The following STXBP5 variants were observed in gnomAD, a reference collection of about 807,000 sequenced individuals.
STXBP5 encodes syntaxin-binding protein 5.
STXBP5 carries 50 observed loss-of-function variants against 152.4 expected under a neutral mutation model. The ratio of observed to expected loss-of-function variants is 0.33; its 90% CI spans 0.26 to 0.42. The LOEUF is 0.42. Among genes scored for constraint, STXBP5 ranks in the 10% least tolerant of loss-of-function variants. The pLI, the probability that STXBP5 is intolerant of heterozygous loss-of-function variation, is 1.00. For missense variants in STXBP5, 1,167 were observed against 1,388.6 expected (o/e 0.84, Z 2.54); for synonymous variants, 492 against 494.7 (o/e 0.99, Z 0.07).
At chr6:147,343,670 AT>A (rs1784190853) in intron 21 of STXBP5, among the ~76,000 whole-genome samples, 1 of 152,148 alleles carries the variant, frequency 6.6e-6, no homozygotes, top group Admixed American at 6.5e-5. Flanking sequence ...TGTCTTCTCA[AT>A]TCTTTTGTAT....
rs574213568 is a variant in STXBP5 at position 147,330,489 on chromosome 6, AT to A, written c.2080+3216del. Among the ~76,000 whole-genome samples the A allele has an allele frequency of 7.5e-3, 1,142 of 152,266 alleles. 16 individuals carry two copies. The highest frequency in any genetic ancestry group is 0.025 in the African/African-American group (1,048 of 41,560). On this transcript the variant is annotated intron_variant, in intron 18 of 27. Transcript: ENST00000321680. ...AAAAGAATATCAAGATAATTGGTGA[AT>A]TTAAAAGGGATCCCCAGTTGGTGAA...
chr6:147,282,652 G>A (rs1333545738), intron 8 of STXBP5, among the ~76,000 whole-genome samples: 1 of 152,036 alleles, frequency 6.6e-6, no homozygotes, highest in Non-Finnish European at 1.5e-5. Flanking sequence ...CTTTTGGCTT[G>A]TTTCTCTCCC....
Position 147,363,479 on chromosome 6 carries a change from G to A in STXBP5, c.2690G>A (p.Arg897Gln), listed in dbSNP as rs772482367. Residue 897 changes from arginine (R) to glutamine (Q), a missense_variant, in exon 24 of 28, where the codon CGG becomes CAG. Physicochemically the swap from Arg to Gln is conservative, Grantham distance 43. This residue lies in a region of STXBP5 where 833 missense variants were observed against 986.3 expected (regional missense o/e 0.84). Coordinates refer to ENST00000321680, the MANE Select transcript of STXBP5 (RefSeq NM_001127715.4). ...GAAAAGGAGAAATTGAAAAAACGGC[G>A]GCCTGTCTCAGTATCCCCCTCCTCT... The part of the protein sequence containing the change: ...KDEKEKLKKR[R>Q]PVSVSPSSSQ... The A allele has an allele frequency of 5.0e-6, 8 of 1,613,866 alleles. No individual in the cohort carries two copies. Among genetic ancestry groups the A allele is most frequent in the East Asian group, 2.2e-5 (1 of 44,852 alleles).
chr6:147,300,051 A>C (rs1052582775), intron 9 of STXBP5, among the ~76,000 whole-genome samples: 5 of 152,098 alleles, frequency 3.3e-5, no homozygotes, highest in African/African-American at 1.2e-4. Context: ...CAAGAAGACA[A>C]TCTCATTTAC....
chr6:147,380,774 A>T (rs1786048494), intron 26 of STXBP5, among the ~76,000 whole-genome samples: 1 of 152,166 alleles, frequency 6.6e-6, no homozygotes, highest in Non-Finnish European at 1.5e-5. Context: ...CTGATATCAG[A>T]TTACGTCTAG....
chr6:147,327,360 A>G, intron 18 of STXBP5, 84 bp downstream of exon 18: 1 of 1,457,022 alleles, frequency 6.9e-7, no homozygotes, highest in Non-Finnish European at 9.1e-7. Context: ...TATTATAGTT[A>G]GGTAAATAGC....
chr6:147,331,399 A>G (rs1041669935), intron 18 of STXBP5, among the ~76,000 whole-genome samples: 3 of 152,238 alleles, frequency 2.0e-5, no homozygotes, highest in Admixed American at 6.5e-5. Flanking sequence ...ACAGTGAAAC[A>G]TAATTGGAGA....
At position 147,315,506 on chromosome 6, in the gene STXBP5, T is replaced by C; in HGVS notation, c.1403-9T>C. 6.4e-7 allele frequency: 1 copy of C among 1,565,486 alleles called. No individual in the cohort carries two copies. Among genetic ancestry groups the C allele is most frequent in the Non-Finnish European group, 8.8e-7 (1 of 1,141,282 alleles). On this transcript the variant is annotated splice_polypyrimidine_tract_variant and intron_variant, in intron 14 of 27. Coordinates refer to ENST00000321680, the MANE Select transcript of STXBP5 (RefSeq NM_001127715.4). Reference sequence around the variant, plus strand: ...TTAAAGTATCTGACATATATTATCTTTTTTCCAGTAACTCTACAAGTATTA... The same window carrying C: ...TTAAAGTATCTGACATATATTATCTCTTTTCCAGTAACTCTACAAGTATTA...
In STXBP5 at chr6:147,325,008, G is replaced by A; in HGVS notation, c.1852G>A (p.Val618Ile). ...KQSPGYQTEL[V>I]IQLVWVGGEP... is the part of the protein sequence containing the mutation. ...GTCTCCAGGTTATCAAACAGAACTA[G>A]TTATTCAGTTGGTTTGGGTGGGTGG... is the stretch of plus-strand genomic sequence containing the variant. Residue 618 changes from valine to isoleucine, a missense_variant, in exon 17 of 28, where the codon GTT becomes ATT. Val to Ile is a conservative substitution (Grantham distance 29, BLOSUM62 3). Around this residue, in one of 3 missense-constraint regions of STXBP5, gnomAD observed 833 missense variants for 986.3 expected, o/e 0.84. Coordinates refer to ENST00000321680, the MANE Select transcript of STXBP5 (RefSeq NM_001127715.4). The A allele has an allele frequency of 6.3e-7, 1 of 1,597,910 alleles. No individual in the cohort carries two copies. Among genetic ancestry groups the A allele is most frequent in the Non-Finnish European group, 8.5e-7 (1 of 1,170,140 alleles).
At chr6:147,265,513 G>A (rs1779848567) in intron 6 of STXBP5, among the ~76,000 whole-genome samples, 1 of 152,080 alleles carries the variant, frequency 6.6e-6, no homozygotes, top group African/African-American at 2.4e-5. Context: ...ATCTTAATTT[G>A]TCTAGAGGAA....
chr6:147,240,548 T>G (rs1209710075), intron 4 of STXBP5, among the ~76,000 whole-genome samples: 1 of 152,186 alleles, frequency 6.6e-6, no homozygotes, highest in African/African-American at 2.4e-5. Context: ...AAAGTTGATT[T>G]GTTTTCTCAA....
rs1369964774 is a variant in STXBP5, at chr6:147,209,659, A to C, written c.248+3591A>C. Among the ~76,000 whole-genome samples, 5 of 152,326 alleles carry C rather than the reference A, an allele frequency of 3.3e-5. No individual in the cohort carries two copies. In the East Asian group the frequency reaches 9.6e-4, roughly 29 times the overall value. On this transcript the variant is annotated intron_variant, in intron 2 of 27. Coordinates refer to ENST00000321680, the MANE Select transcript of STXBP5 (RefSeq NM_001127715.4). ...AAAAGTTTCCAGTTCTAACCAAAGG[A>C]CTGGAACTAAATAAGCAGTTGAAAT... is the stretch of plus-strand genomic sequence containing the variant.
chr6:147,371,416 A>C (rs1234509493), intron 25 of STXBP5, among the ~76,000 whole-genome samples: 1 of 152,038 alleles, frequency 6.6e-6, no homozygotes, highest in Non-Finnish European at 1.5e-5. Flanking sequence ...GTATTTTCTA[A>C]TTGGTTTCAT....
rs369473645 is a variant in STXBP5 at position 147,286,165 on chromosome 6, C to G, written c.839-4929C>G. 8.2e-4 allele frequency among the ~76,000 whole-genome samples: 125 copies of G among 152,256 alleles called. 1 individual carries two copies. The highest frequency in any genetic ancestry group is 2.9e-3 in the African/African-American group (120 of 41,558). ...TACCTTTTATTTTCCTTGCAATTCT[C>G]TCTCCCACCTCAACAATCCTTTCCT... On this transcript the variant is annotated intron_variant, in intron 8 of 27. Transcript: ENST00000321680.
chr6:147,372,226 G>A (rs1785573304), intron 25 of STXBP5, among the ~76,000 whole-genome samples: 1 of 151,806 alleles, frequency 6.6e-6, no homozygotes, highest in Non-Finnish European at 1.5e-5. Context: ...TGCAATCTGG[G>A]TGGAGGGATA....
Position 147,316,309 on chromosome 6 carries a change from C to T in STXBP5, c.1704C>T (p.Pro568=), listed in dbSNP as rs142531466. ...AGCAGCCACCACCTTTGCCAACACCCGTGGGAGGGTCCAACCCTCAGCCCA... is the reference window on the plus strand; with the variant it reads ...AGCAGCCACCACCTTTGCCAACACCTGTGGGAGGGTCCAACCCTCAGCCCA... The part of the protein sequence containing the change: ...EGEQPPPLPT[P]VGGSNPQPIP... Residue 568 remains proline, a synonymous_variant, in exon 16 of 28, where the codon CCC becomes CCT. Coordinates refer to ENST00000321680, the MANE Select transcript of STXBP5 (RefSeq NM_001127715.4). The T allele has an allele frequency of 1.5e-5, 25 of 1,613,632 alleles. No homozygotes were observed. The highest frequency in any genetic ancestry group is 4.0e-5 in the African/African-American group (3 of 74,856).
chr6:147,365,050 G>A (rs756006339), intron 25 of STXBP5, among the ~76,000 whole-genome samples: 15 of 152,144 alleles, frequency 9.9e-5, no homozygotes, highest in Non-Finnish European at 2.1e-4. Flanking sequence ...GATATGATAT[G>A]GATTAAAGGA....
chr6:147,251,395 G>GT (rs1304501562), intron 4 of STXBP5, among the ~76,000 whole-genome samples: 1 of 152,050 alleles, frequency 6.6e-6, no homozygotes, highest in African/African-American at 2.4e-5. Flanking sequence ...AGCTACAGGA[G>GT]TTTTTTTTCA....
Position 147,279,601 on chromosome 6 carries a change from C to T in STXBP5, c.838+1397C>T, listed in dbSNP as rs575508702. On this transcript the variant is annotated intron_variant, in intron 8 of 27. Coordinates refer to ENST00000321680, the MANE Select transcript of STXBP5 (RefSeq NM_001127715.4). ...AAACCACATATTGTGAAATACTTTA[C>T]CACTGCTTTGTGACAGCAATCATCT... Among the ~76,000 whole-genome samples the T allele has an allele frequency of 5.9e-5, 9 of 152,228 alleles. No homozygotes were observed. The South Asian group carries it at 1.9e-3, about 32-fold the overall frequency.
Sources: allele counts gnomAD v4.1 joint callset (sites outside exome capture counted in the v4.1 genomes callset), GRCh38; gene constraint gnomAD v4.1.1; regional missense constraint gnomAD v4.1.1; transcripts MANE v1.5; gene names NCBI Gene and HGNC (gene_info 2026-07-23, HGNC 2026-07-21).